UNK: variants seen among roughly 807,000 people sequenced by gnomAD.
The protein encoded by UNK is unk zinc finger.
A neutral mutation model predicts 97.6 loss-of-function variants in UNK; 32 were observed. That is an observed-to-expected ratio of 0.33 (90% CI 0.25 to 0.44). The LOEUF is 0.44. UNK is among the 20% of genes least tolerant of loss of function. The pLI is 1.00. For missense variants in UNK, 771 were observed against 1,098.4 expected, an observed-to-expected ratio of 0.70 and a Z score of 4.21; for synonymous variants, 441 against 461.2, an observed-to-expected ratio of 0.96 and a Z score of 0.56.
At chr17:75,795,027 A>T (rs577036841) in intron 1 of UNK, among the ~76,000 whole-genome samples, 1 of 152,076 alleles carries the variant, frequency 6.6e-6, no homozygotes, top group Non-Finnish European at 1.5e-5. Context: ...TTCAGTTCCT[A>T]GGGCACGCAC....
At chr17:75,820,383 G>A (rs555486475) in intron 13 of UNK, among the ~76,000 whole-genome samples, 1 of 152,352 alleles carries the variant, frequency 6.6e-6, no homozygotes, top group African/African-American at 2.4e-5. Flanking sequence ...TGAAGTGCTA[G>A]GCACGAGGCC....
At chr17:75,791,849 A>G (rs542436121) in intron 1 of UNK, 1 of 985,432 alleles carries the variant, frequency 1.0e-6, no homozygotes, top group South Asian at 4.7e-5. Flanking sequence ...ACTGTGACTT[A>G]TTGGTGAGGG....
At chr17:75,812,401 T>A in intron 3 of UNK, 54 bp from the exon 4 acceptor site, 1 of 1,589,292 alleles carries the variant, frequency 6.3e-7, no homozygotes, top group Non-Finnish European at 8.6e-7. Context: ...GCACTCTGGT[T>A]CTTGCCCCCT....
intron 1 of UNK, among the ~76,000 whole-genome samples, chr17:75,797,994 T>G (rs2061821880): frequency 6.6e-6 from 1 of 152,050 alleles, no homozygotes; most frequent in Admixed American, 6.6e-5. Context: ...CCAAATCAGA[T>G]TATAAACAAA....
intron 1 of UNK, among the ~76,000 whole-genome samples, chr17:75,800,759 TA>T (rs1401787142): frequency 6.6e-6 from 1 of 151,550 alleles, no homozygotes; most frequent in Non-Finnish European, 1.5e-5. Flanking sequence ...ATAAATAAAA[TA>T]ACGCTTCCTT....
intron 1 of UNK, among the ~76,000 whole-genome samples, chr17:75,790,302 A>G (rs1416662921): frequency 6.6e-6 from 1 of 151,248 alleles, no homozygotes; most frequent in African/African-American, 2.4e-5. Flanking sequence ...ATCTCAAGGG[A>G]AAAAAAAAGT....
In UNK at chr17:75,788,272, C is replaced by T. The variant is rs182888944; in HGVS notation, c.104+3288C>T. 1.3e-3 allele frequency among the ~76,000 whole-genome samples: 199 copies of T among 151,932 alleles called. 2 individuals are homozygous for T. Among genetic ancestry groups the T allele is most frequent in the African/African-American group, 4.1e-3 (172 of 41,450 alleles). The stretch of plus-strand genomic sequence containing the variant: ...TCAGTTTACTGCAACCTCCACCTCC[C>T]GGGTTTAAGCAATTCTCCTGCTTCA... On this transcript the variant is annotated intron_variant, in intron 1 of 15. Coordinates refer to ENST00000589666, the MANE Select transcript of UNK (RefSeq NM_001080419.3).
chr17:75,805,892 T>C (rs1261282482), intron 1 of UNK, among the ~76,000 whole-genome samples: 1 of 151,212 alleles, frequency 6.6e-6, no homozygotes, highest in East Asian at 1.9e-4. Context: ...CAATGAACAT[T>C]TGTAATCCAT....
intron 1 of UNK, among the ~76,000 whole-genome samples, chr17:75,790,957 A>G (rs1343435989): frequency 2.0e-5 from 3 of 152,170 alleles, no homozygotes; most frequent in Non-Finnish European, 4.4e-5. Context: ...ATAATAAAAT[A>G]AAAATAAATA....
At chr17:75,805,257 T>C (rs1013855611) in intron 1 of UNK, among the ~76,000 whole-genome samples, 1 of 150,394 alleles carries the variant, frequency 6.6e-6, no homozygotes, top group Non-Finnish European at 1.5e-5. Flanking sequence ...ATACAAAAAT[T>C]AGCTGGGCAT....
chr17:75,807,467 AT>A (rs893798893), intron 1 of UNK, among the ~76,000 whole-genome samples: 1 of 152,112 alleles, frequency 6.6e-6, no homozygotes, highest in African/African-American at 2.4e-5. Context: ...TTATTTATTT[AT>A]TTTTGAGATG....
At chr17:75,822,248 T>A (rs1200899966) in intron 13 of UNK, among the ~76,000 whole-genome samples, 1 of 152,164 alleles carries the variant, frequency 6.6e-6, no homozygotes, top group East Asian at 1.9e-4. Context: ...GCCTCGGAAG[T>A]TGAGTGGCAC....
At chr17:75,788,488 T>A (rs1482117237) in intron 1 of UNK, among the ~76,000 whole-genome samples, 1 of 152,010 alleles carries the variant, frequency 6.6e-6, no homozygotes, top group East Asian at 1.9e-4. Flanking sequence ...GCCTGTCAAA[T>A]TTTTTACCTT....
intron 1 of UNK, chr17:75,792,098 C>A (rs1378832093): frequency 1.0e-6 from 1 of 974,258 alleles, no homozygotes. Context: ...CTGAGCAGCA[C>A]AGCACACATC....
Position 75,813,139 on chromosome 17 carries a change from C to T in UNK, c.684C>T (p.Cys228=), listed in dbSNP as rs749550326. The T allele has an allele frequency of 5.7e-6, 9 of 1,589,096 alleles. No individual in the cohort carries two copies. Among genetic ancestry groups the T allele is most frequent in the East Asian group, 2.3e-5 (1 of 43,608 alleles). ...TEPCKKPPRL[C]RQGYACPYYH... ...CTTGCAAGAAGCCCCCGCGGCTGTG[C>T]CGCCAAGGCTATGCCTGTCCCTACT... The change falls in exon 5 of 16, where the codon TGC becomes TGT. Residue 228 remains cysteine, a synonymous_variant. Transcript: ENST00000589666.
chr17:75,807,854 G>T (rs1226323334), intron 1 of UNK, among the ~76,000 whole-genome samples: 1 of 152,120 alleles, frequency 6.6e-6, no homozygotes, highest in African/African-American at 2.4e-5. Context: ...TTCCCAAAGT[G>T]CTAGGATTAC....
intron 1 of UNK, among the ~76,000 whole-genome samples, chr17:75,797,961 T>C (rs2061821598): frequency 6.6e-6 from 1 of 152,188 alleles, no homozygotes; most frequent in Non-Finnish European, 1.5e-5. Context: ...TATATGTCTC[T>C]GTACTCAAAT....
Position 75,785,267 on chromosome 17 carries a change from C to T in UNK, c.104+283C>T, listed in dbSNP as rs566780177. On this transcript the variant is annotated intron_variant, in intron 1 of 15. Coordinates refer to ENST00000589666, the MANE Select transcript of UNK (RefSeq NM_001080419.3). The stretch of plus-strand genomic sequence containing the variant: ...CTCTCCCTAGGCCAGGCCTTCGAGG[C>T]CTAACTGTTCCTCAGACCATAAAAC... 1.8e-4 allele frequency: 69 copies of T among 390,806 alleles called. No homozygotes were observed. The South Asian group carries it at 2.6e-3, about 15-fold the overall frequency. 24.2% of individuals were successfully genotyped at this position (390,806 alleles called of 1,614,324 possible).
At position 75,825,060 on chromosome 17, in the gene UNK, A is replaced by C. The variant is rs971578155; in HGVS notation, c.*643A>C. 1.3e-5 allele frequency: 2 copies of C among 152,244 alleles called. No homozygotes were observed. The highest frequency in any genetic ancestry group is 2.9e-5 in the Non-Finnish European group (2 of 68,006). The allele number at this position is 152,244 out of a possible 1,614,324, so 9.4% of individuals were successfully genotyped here. On this transcript the variant is annotated 3_prime_UTR_variant, in exon 16 of 16. Coordinates refer to ENST00000589666, the MANE Select transcript of UNK (RefSeq NM_001080419.3). The surrounding 1 kb of genome is among the most constrained non-coding windows in gnomAD (Gnocchi z 4.4). Reference sequence around the variant, plus strand: ...TCCTAAGTTTACCAAATGTTAATTTAGTCTTGGGGAGAACAGCAAGGGCTG... The same window carrying C: ...TCCTAAGTTTACCAAATGTTAATTTCGTCTTGGGGAGAACAGCAAGGGCTG...
Sources: gnomAD v4.1 joint callset for allele counts (sites outside exome capture counted in the v4.1 genomes callset) on GRCh38, gnomAD v4.1.1 for gene constraint, Gnocchi (gnomAD v3.1) non-coding constraint, MANE v1.5 for transcripts, NCBI Gene and HGNC (gene_info 2026-07-23, HGNC 2026-07-21) for gene names.